Variants in RYR3 observed in about 807,000 individuals in gnomAD.
The protein encoded by RYR3 is ryanodine receptor 3.
Under a neutral mutation model 584.3 loss-of-function variants are expected in RYR3, and 207 were observed. The ratio of observed to expected loss-of-function variants is 0.35; its 90% CI spans 0.32 to 0.40. The LOEUF (loss-of-function observed/expected upper bound fraction) is 0.40. Among genes scored for constraint, RYR3 ranks in the 10% least tolerant of loss-of-function variants. The probability of loss-of-function intolerance (pLI) is 1.00; values close to 1 mark genes in which losing one functional copy is unlikely to be tolerated. For missense variants in RYR3, 5,616 were observed against 6,089.2 expected (o/e 0.92, Z 2.59); for synonymous variants, 2,416 against 2,248.5 (o/e 1.07, Z -2.11).
intron 1 of RYR3, among the ~76,000 whole-genome samples, chr15:33,421,361 T>C (rs2339272): frequency 0.29 from 44,813 of 152,002 alleles, 7,496 homozygotes; most frequent in African/African-American, 0.46. Context: ...GACACAGAGA[T>C]CAATTTGGAG....
intron 27 of RYR3, among the ~76,000 whole-genome samples, chr15:33,640,453 G>A (rs2061740477): frequency 6.6e-6 from 1 of 152,178 alleles, no homozygotes; most frequent in Non-Finnish European, 1.5e-5. Context: ...CCCAGGAATG[G>A]TCTGAGCGGT....
intron 3 of RYR3, among the ~76,000 whole-genome samples, chr15:33,525,449 T>C (rs1193448124): frequency 6.6e-6 from 1 of 152,248 alleles, no homozygotes; most frequent in Non-Finnish European, 1.5e-5. Context: ...AATATCGCAC[T>C]AGAATTGTAA....
chr15:33,539,459 C>T lies in RYR3; in HGVS notation c.543C>T (p.Tyr181=), dbSNP rs1400083495. ...TCGTCAGCGTGTCCTCTGAAAGATA[C>T]CTTGTAAGTACCTCATAATATAAGA... ...LILVSVSSER[Y]LHLSVSNGNI... The change falls in exon 6 of 104, where the codon TAC becomes TAT. Residue 181 remains tyrosine (Y), a synonymous_variant. Transcript: ENST00000634891. 5.1e-6 allele frequency: 8 copies of T among 1,567,024 alleles called. No individual in the cohort carries two copies. Among genetic ancestry groups the T allele is most frequent in the African/African-American group, 2.7e-5 (2 of 73,914 alleles).
chr15:33,833,553 G>A (rs532315755), intron 86 of RYR3, among the ~76,000 whole-genome samples: 1 of 152,294 alleles, frequency 6.6e-6, no homozygotes, highest in East Asian at 1.9e-4. Flanking sequence ...TTCACAAAAT[G>A]CAGTGTACCT....
At chr15:33,860,978 G>T (rs574601705) in intron 101 of RYR3, 100 bp from the exon 102 acceptor site, 3 of 976,246 alleles carry the variant, frequency 3.1e-6, no homozygotes, top group Non-Finnish European at 4.8e-6. Context: ...GCATTAGAAA[G>T]AAAGTTTTCA....
At position 33,311,568 on chromosome 15, in the gene RYR3, G is replaced by T. The variant is rs11639392; in HGVS notation, c.51+472G>T. On this transcript the variant is annotated intron_variant, in intron 1 of 103. Coordinates refer to ENST00000634891, the MANE Select transcript of RYR3 (RefSeq NM_001036.6). This position sits in a 1 kb window ranked among gnomAD's most constrained non-coding sequence, Gnocchi z 4.4. ...CTCCGGGAAGGAGCCAGCGGGGCAG[G>T]GGGGAGTGTGGGGAGCCGGGTCGGA... Among the ~76,000 whole-genome samples, 10,656 of 152,256 alleles carry T rather than the reference G, an allele frequency of 0.07. 440 individuals are homozygous for T. Among genetic ancestry groups the T allele is most frequent in the Middle Eastern group, 0.13 (37 of 294 alleles).
chr15:33,610,543 G>A (rs2060129543), intron 18 of RYR3, among the ~76,000 whole-genome samples: 1 of 152,122 alleles, frequency 6.6e-6, no homozygotes, highest in African/African-American at 2.4e-5. Context: ...ATATGGCTTT[G>A]TCAATTACCC....
At chr15:33,751,718 GA>G (rs551093652) in intron 57 of RYR3, among the ~76,000 whole-genome samples, 63 of 152,206 alleles carry the variant, frequency 4.1e-4, no homozygotes, top group African/African-American at 1.4e-3. Flanking sequence ...TTGCTATGCA[GA>G]AGCTCTTTAG....
intron 1 of RYR3, among the ~76,000 whole-genome samples, chr15:33,411,681 C>T (rs1054147166): frequency 7.9e-5 from 12 of 152,218 alleles, no homozygotes; most frequent in African/African-American, 2.9e-4. Flanking sequence ...AGTTCATTTT[C>T]CTGACTGCCC....
At chr15:33,324,245 A>T (rs752592792) in intron 1 of RYR3, among the ~76,000 whole-genome samples, 6 of 152,182 alleles carry the variant, frequency 3.9e-5, no homozygotes, top group Non-Finnish European at 2.9e-5. Flanking sequence ...TGGTCTGGTA[A>T]TATGGCATTT....
rs1372252659 is a variant in RYR3, at chr15:33,830,950, C to G, written c.11335-13C>G. 1.2e-6 allele frequency: 2 copies of G among 1,611,988 alleles called. No individual in the cohort carries two copies. The highest frequency in any genetic ancestry group is 3.3e-5 in the Admixed American group (2 of 59,852). On this transcript the variant is annotated splice_polypyrimidine_tract_variant and intron_variant, in intron 85 of 103. Coordinates refer to ENST00000634891, the MANE Select transcript of RYR3 (RefSeq NM_001036.6). ...AGTCTGAGAAATACTAAGCTCTACT[C>G]ATTTGTTTTTAGGAATCAATCAGTG...
chr15:33,807,586 T>C lies in RYR3; in HGVS notation c.10026+17T>C. 3 of 1,551,302 alleles carry C rather than the reference T, an allele frequency of 1.9e-6. No individual in the cohort carries two copies. The African/African-American group carries it at 4.1e-5, about 21-fold the overall frequency. On this transcript the variant is annotated intron_variant, in intron 70 of 103. Coordinates refer to ENST00000634891, the MANE Select transcript of RYR3 (RefSeq NM_001036.6). ...CAAGTAAAGGTACAGGTCAAATGCA[T>C]GACGTGTCTTTTCTGTCCTAGTATT...
At chr15:33,608,673 A>G (rs1176489440) in intron 18 of RYR3, among the ~76,000 whole-genome samples, 1 of 152,216 alleles carries the variant, frequency 6.6e-6, no homozygotes, top group Non-Finnish European at 1.5e-5. Context: ...TCTAGATAAT[A>G]TTAGTCCCAA....
chr15:33,751,616 G>T (rs572317423), intron 57 of RYR3, among the ~76,000 whole-genome samples: 5 of 150,610 alleles, frequency 3.3e-5, no homozygotes, highest in African/African-American at 1.2e-4. Context: ...GTTCCTTGTA[G>T]ATTCTGGATA....
chr15:33,822,907 G>A, intron 80 of RYR3, 89 bp from the exon 81 acceptor site: 1 of 1,017,262 alleles, frequency 9.8e-7, no homozygotes, highest in Admixed American at 2.3e-5. Flanking sequence ...AACTCAGTGT[G>A]GCTGGGGATT....
chr15:33,864,848 A>G, intron 103 of RYR3: 1 of 354,038 alleles, frequency 2.8e-6, no homozygotes, highest in Non-Finnish European at 5.1e-6. Flanking sequence ...CTTATTGCTA[A>G]ATCTTTAAGT....
chr15:33,762,824 A>G (rs1475504190), intron 60 of RYR3, among the ~76,000 whole-genome samples: 1 of 152,224 alleles, frequency 6.6e-6, no homozygotes, highest in Non-Finnish European at 1.5e-5. Context: ...ATCCTAAGGA[A>G]AAAGAACTAA....
chr15:33,627,778 G>A (rs2061067858), intron 20 of RYR3, among the ~76,000 whole-genome samples: 1 of 152,212 alleles, frequency 6.6e-6, no homozygotes, highest in African/African-American at 2.4e-5. Flanking sequence ...GGATAGATCA[G>A]TGGAGAGCTG....
chr15:33,486,634 T>G (rs1016931857), intron 2 of RYR3, among the ~76,000 whole-genome samples: 11 of 152,172 alleles, frequency 7.2e-5, no homozygotes, highest in South Asian at 2.1e-4. Context: ...GAATAATAGG[T>G]CAAAGTACAC....
Sources: gnomAD v4.1 joint callset for allele counts (sites outside exome capture counted in the v4.1 genomes callset) on GRCh38, gnomAD v4.1.1 for gene constraint, Gnocchi (gnomAD v3.1) non-coding constraint, MANE v1.5 for transcripts, NCBI Gene and HGNC (gene_info 2026-07-23, HGNC 2026-07-21) for gene names.